The following DPP10 variants were observed in gnomAD, a reference collection of about 807,000 sequenced individuals.
DPP10 encodes the protein inactive dipeptidyl peptidase 10.
In DPP10, 33 loss-of-function variants were observed where a neutral mutation model predicts 120.9. The observed-to-expected ratio is 0.27, with a 90% CI of 0.21 to 0.37. The LOEUF (loss-of-function observed/expected upper bound fraction) is 0.37, where lower values mean the gene tolerates loss of function less well. Ranked by LOEUF, DPP10 falls within the 10% of genes least tolerant of loss-of-function variation. DPP10 has a pLI of 1.00. For synonymous variants in DPP10, 337 were observed against 326.1 expected (o/e 1.03, Z -0.36); for missense variants, 816 against 942.8 (o/e 0.87, Z 1.76).
At chr2:114,820,019 C>T (rs114290961) in intron 1 of DPP10, among the ~76,000 whole-genome samples, 1,606 of 152,294 alleles carry the variant, frequency 0.011, 36 homozygotes, top group African/African-American at 0.036. Context: ...ACCTTTTCAA[C>T]ATTTGGTAAT....
chr2:115,481,474 T>C (rs2075422572), intron 3 of DPP10, among the ~76,000 whole-genome samples: 1 of 152,176 alleles, frequency 6.6e-6, no homozygotes, highest in Non-Finnish European at 1.5e-5. Flanking sequence ...GTAAGTAGGC[T>C]GGACTTGGAA....
chr2:115,680,708 T>C (rs2090591041), intron 5 of DPP10, among the ~76,000 whole-genome samples: 1 of 151,996 alleles, frequency 6.6e-6, no homozygotes, highest in South Asian at 2.1e-4. Context: ...AACTAACTTT[T>C]AGAGTAAACA....
intron 1 of DPP10, among the ~76,000 whole-genome samples, chr2:115,195,260 G>A (rs2055176481): frequency 6.6e-6 from 1 of 152,096 alleles, no homozygotes; most frequent in Non-Finnish European, 1.5e-5. Context: ...GTTTAGTGTT[G>A]TCTATTTTTA....
chr2:114,678,373 T>TA (rs1242088615), intron 1 of DPP10, among the ~76,000 whole-genome samples: 1 of 152,048 alleles, frequency 6.6e-6, no homozygotes. Flanking sequence ...TATATTTCCA[T>TA]AGGAGTTTTT....
intron 1 of DPP10, among the ~76,000 whole-genome samples, chr2:115,105,162 C>T (rs1573631398): frequency 6.6e-6 from 1 of 152,278 alleles, no homozygotes; most frequent in South Asian, 2.1e-4. Context: ...AGGTCTACCT[C>T]TCTATTGATT....
chr2:115,433,455 A>ATG (rs1299021495), intron 3 of DPP10, among the ~76,000 whole-genome samples: 1 of 151,762 alleles, frequency 6.6e-6, no homozygotes, highest in Non-Finnish European at 1.5e-5. Context: ...ATACATGTAC[A>ATG]TGTGTGTGTG....
chr2:114,711,773 ATG>A (rs1170750432), intron 1 of DPP10, among the ~76,000 whole-genome samples: 13 of 152,290 alleles, frequency 8.5e-5, no homozygotes, highest in African/African-American at 3.1e-4. Flanking sequence ...TATATTTTAA[ATG>A]AAAGTACTTG....
At chr2:115,079,372 C>CAAAAAAAAAAAAAAAAAAAAAAGAA (rs57960886) in intron 1 of DPP10, among the ~76,000 whole-genome samples, 1 of 146,400 alleles carries the variant, frequency 6.8e-6, no homozygotes, top group African/African-American at 2.5e-5. Flanking sequence ...TCTCAAAAAA[C>CAAAAAAAAAAAAAAAAAAAAAAGAA]AAAAAAAAAG....
At chr2:115,687,513 A>G (rs1178363024) in intron 5 of DPP10, among the ~76,000 whole-genome samples, 1 of 151,896 alleles carries the variant, frequency 6.6e-6, no homozygotes. Flanking sequence ...ATAGATAGAT[A>G]GATAGATAGA....
chr2:115,097,206 A>T (rs17044042), intron 1 of DPP10, among the ~76,000 whole-genome samples: 8,529 of 152,232 alleles, frequency 0.056, 304 homozygotes, highest in East Asian at 0.15. Context: ...AATAAAGCTA[A>T]TCAGGCCAAC....
intron 1 of DPP10, among the ~76,000 whole-genome samples, chr2:115,182,668 G>C (rs984577747): frequency 6.6e-6 from 1 of 151,756 alleles, no homozygotes; most frequent in Non-Finnish European, 1.5e-5. Context: ...TATAACCCTA[G>C]TCATGACAAG....
chr2:115,012,556 G>A (rs1055575509), intron 1 of DPP10, among the ~76,000 whole-genome samples: 4 of 152,142 alleles, frequency 2.6e-5, no homozygotes, highest in African/African-American at 4.8e-5. Context: ...CAGTAGCTCC[G>A]CTGGGTGGCT....
chr2:114,663,194 G>A (rs1008697159), intron 1 of DPP10, among the ~76,000 whole-genome samples: 1 of 150,740 alleles, frequency 6.6e-6, no homozygotes, highest in Admixed American at 6.7e-5. Context: ...TGTTTCCTGC[G>A]TAATCACTAT....
chr2:115,788,294 T>C (rs1004699043), intron 17 of DPP10, among the ~76,000 whole-genome samples: 4 of 152,126 alleles, frequency 2.6e-5, no homozygotes, highest in Non-Finnish European at 1.5e-5. Context: ...TTCTAACTTA[T>C]TGTATAAAAA....
chr2:115,161,817 C>A, intron 1 of DPP10: 2 of 815,520 alleles, frequency 2.5e-6, no homozygotes, highest in Non-Finnish European at 3.4e-6. Flanking sequence ...TTCCCCTCCC[C>A]GCCCCTCCGC....
intron 1 of DPP10, among the ~76,000 whole-genome samples, chr2:114,622,369 A>G (rs992920430): frequency 7.9e-5 from 12 of 151,638 alleles, no homozygotes; most frequent in African/African-American, 2.9e-4. Flanking sequence ...AACTTATCTG[A>G]ATCTGTCCAT....
Position 114,884,141 on chromosome 2 carries a change from G to T in DPP10, c.61-425098G>T, listed in dbSNP as rs1220219167. ...GATACCTTATAAATCAAATGAATAA[G>T]AATGTAATGAGGCACTATTATACCT... is the stretch of plus-strand genomic sequence containing the variant. On this transcript the variant is annotated intron_variant, in intron 1 of 25. Coordinates refer to ENST00000410059, the MANE Select transcript of DPP10 (RefSeq NM_020868.6). Among the ~76,000 whole-genome samples, 5 of 152,164 alleles carry T rather than the reference G, an allele frequency of 3.3e-5. 1 individual carries two copies. The Middle Eastern group carries it at 0.017, about 518-fold the overall frequency.
chr2:115,140,366 C>T (rs1248274214), intron 1 of DPP10, among the ~76,000 whole-genome samples: 1 of 152,116 alleles, frequency 6.6e-6, no homozygotes, highest in Non-Finnish European at 1.5e-5. Flanking sequence ...AGTGAGGCTG[C>T]AGGGCTGTGG....
At chr2:114,679,869 TG>T (rs1698910437) in intron 1 of DPP10, among the ~76,000 whole-genome samples, 1 of 152,110 alleles carries the variant, frequency 6.6e-6, no homozygotes, top group Admixed American at 6.6e-5. Flanking sequence ...GAGCAAGGAC[TG>T]GAGCTTCAGC....
Sources: gnomAD v4.1 joint callset for allele counts (sites outside exome capture counted in the v4.1 genomes callset) on GRCh38, gnomAD v4.1.1 for gene constraint, MANE v1.5 for transcripts, NCBI Gene and HGNC (gene_info 2026-07-23, HGNC 2026-07-21) for gene names.